The following ZNF83 variants were observed in gnomAD, a reference collection of about 807,000 sequenced individuals.
The protein encoded by ZNF83 is zinc finger protein 816B.
For missense variants in ZNF83, 552 were observed against 629.9 expected (o/e 0.88, Z 1.32); for synonymous variants, 209 against 213.0 (o/e 0.98, Z 0.17).
intron 1 of ZNF83, among the ~76,000 whole-genome samples, chr19:52,674,958 T>C (rs1391632448): frequency 6.6e-6 from 1 of 152,162 alleles, no homozygotes. Flanking sequence ...TGACATCAAG[T>C]GATCTACCCA....
chr19:52,629,495 T>A (rs553607702), intron 2 of ZNF83, among the ~76,000 whole-genome samples: 1 of 152,264 alleles, frequency 6.6e-6, no homozygotes, highest in East Asian at 1.9e-4. Context: ...TTCCTCAGCC[T>A]CCGCTCCTCC....
intron 1 of ZNF83, among the ~76,000 whole-genome samples, chr19:52,671,569 A>G (rs1432174466): frequency 6.6e-6 from 1 of 151,972 alleles, no homozygotes; most frequent in East Asian, 1.9e-4. Context: ...ACACCTCCCA[A>G]CTAGCTGGAG....
chr19:52,622,732 G>C (rs2060593440), intron 2 of ZNF83, among the ~76,000 whole-genome samples: 1 of 151,724 alleles, frequency 6.6e-6, no homozygotes, highest in African/African-American at 2.4e-5. Context: ...TCAGAAGGCT[G>C]TCTCATTCTC....
chr19:52,620,838 C>T (rs2060516142), intron 2 of ZNF83, among the ~76,000 whole-genome samples: 1 of 152,156 alleles, frequency 6.6e-6, no homozygotes, highest in South Asian at 2.1e-4. Context: ...CCCCAACTGA[C>T]CAATGGATCA....
intron 1 of ZNF83, among the ~76,000 whole-genome samples, chr19:52,676,383 A>T (rs1447682079): frequency 3.3e-5 from 5 of 152,172 alleles, no homozygotes. Flanking sequence ...CCGAGATTGC[A>T]GCCTCTGCCC....
chr19:52,653,111 TTC>T lies in ZNF83; in HGVS notation c.-74+2448_-74+2449del, dbSNP rs1453709485. 2.0e-6 allele frequency: 3 copies of T among 1,466,216 alleles called. No homozygotes were observed. The African/African-American group carries it at 4.2e-5, about 21-fold the overall frequency. 90.8% of individuals were successfully genotyped at this position (1,466,216 alleles called of 1,614,324 possible). ...GCCTTATGAATTAGAAGGGATGAAT[TTC>T]GAGCAAAGGTCTTGCCACACTCATG... On this transcript the variant is annotated intron_variant, in intron 3 of 5. Coordinates refer to the ZNF83 transcript ENST00000594682.
At chr19:52,639,413 C>CTTTTTTTTTCTTT (rs1206783591), upstream of ZNF83, among the ~76,000 whole-genome samples, 4 of 53,878 alleles carry the variant, frequency 7.4e-5, no homozygotes, top group African/African-American at 1.8e-4. Context: ...TTAGTTTTTT[C>CTTTTTTTTTCTTT]TATTTTTTTT....
chr19:52,640,815 G>A (rs2061293028), upstream of ZNF83, among the ~76,000 whole-genome samples: 1 of 152,160 alleles, frequency 6.6e-6, no homozygotes, highest in South Asian at 2.1e-4. Context: ...ACGATTCAGT[G>A]TTCAGTACAG....
At chr19:52,685,381 C>G (rs914853816) in intron 1 of ZNF83, among the ~76,000 whole-genome samples, 1 of 151,912 alleles carries the variant, frequency 6.6e-6, no homozygotes. Context: ...TTTATCACCC[C>G]TATCCTTGAA....
chr19:52,625,132 A>ATGCTTTTGTATC (rs1186238982), intron 2 of ZNF83, among the ~76,000 whole-genome samples: 3 of 152,090 alleles, frequency 2.0e-5, no homozygotes, highest in African/African-American at 7.2e-5. Context: ...AAGGCAGGCT[A>ATGCTTTTGTATC]TGCTATAGTA....
intron 1 of ZNF83, among the ~76,000 whole-genome samples, chr19:52,685,587 G>A (rs943456356): frequency 4.6e-5 from 7 of 152,014 alleles, no homozygotes; most frequent in African/African-American, 1.2e-4. Flanking sequence ...AGACGTAAGC[G>A]AACTGTTTCA....
At chr19:52,656,864 C>CAAAAAAAAAA (rs112522632) in intron 2 of ZNF83, among the ~76,000 whole-genome samples, 1 of 136,564 alleles carries the variant, frequency 7.3e-6, no homozygotes, top group Non-Finnish European at 1.6e-5. Context: ...GACTCCGTCT[C>CAAAAAAAAAA]AAAAAAAAAA....
At chr19:52,685,318 T>C (rs2061996391) in intron 1 of ZNF83, among the ~76,000 whole-genome samples, 1 of 152,056 alleles carries the variant, frequency 6.6e-6, no homozygotes, top group East Asian at 1.9e-4. Flanking sequence ...AGTGAGAAGG[T>C]GTGTCTGAAT....
At chr19:52,614,401 G>A (rs1220328774) in exon 3 of ZNF83, 5 of 1,613,352 alleles carry the variant, frequency 3.1e-6, no homozygotes, top group African/African-American at 1.3e-5. Context: ...ACGTTGGGGT[G>A]GGGAAACTAA....
chr19:52,670,041 TCTA>T (rs2147307742), intron 1 of ZNF83, among the ~76,000 whole-genome samples: 1 of 152,320 alleles, frequency 6.6e-6, no homozygotes, highest in Admixed American at 6.5e-5. Context: ...TTCTTTGCCT[TCTA>T]CTTTTAAACT....
chr19:52,672,310 G>A (rs1472504842), intron 1 of ZNF83, among the ~76,000 whole-genome samples: 1 of 152,188 alleles, frequency 6.6e-6, no homozygotes, highest in Non-Finnish European at 1.5e-5. Flanking sequence ...GACTATATCT[G>A]TAAGTTAACA....
chr19:52,660,145 G>A (rs1224378567), intron 2 of ZNF83, among the ~76,000 whole-genome samples: 1 of 148,842 alleles, frequency 6.7e-6, no homozygotes, highest in African/African-American at 2.5e-5. Context: ...ATGGTGGTAA[G>A]ACCACAGTAG....
chr19:52,669,268 C>T (rs759229946), intron 1 of ZNF83, among the ~76,000 whole-genome samples: 2 of 152,164 alleles, frequency 1.3e-5, no homozygotes, highest in African/African-American at 2.4e-5. Flanking sequence ...TTGACTCTCA[C>T]GTCTATTTAG....
chr19:52,631,877 A>G (rs1270764551), intron 2 of ZNF83, among the ~76,000 whole-genome samples: 1 of 151,846 alleles, frequency 6.6e-6, no homozygotes, highest in Non-Finnish European at 1.5e-5. Context: ...TCTATCCTCA[A>G]GGAAATAACT....
Sources: gnomAD v4.1 joint callset for allele counts (sites outside exome capture counted in the v4.1 genomes callset) on GRCh38, gnomAD v4.1.1 for gene constraint, MANE v1.5 for transcripts, NCBI Gene and HGNC (gene_info 2026-07-23, HGNC 2026-07-21) for gene names.